KIDINS220: variants seen among roughly 807,000 people sequenced by gnomAD.
KIDINS220 encodes kinase D-interacting substrate of 220 kDa.
KIDINS220 carries 63 observed loss-of-function variants against 157.6 expected under a neutral mutation model. That is an observed-to-expected ratio of 0.40 (90% CI 0.33 to 0.49). KIDINS220 has a LOEUF of 0.49. Among genes scored for constraint, KIDINS220 ranks in the 20% least tolerant of loss-of-function variants. The pLI is 0.66. For missense variants in KIDINS220, 1,772 were observed against 2,171.2 expected (o/e 0.82, Z 3.65); for synonymous variants, 732 against 783.6 (o/e 0.93, Z 1.10).
At chr2:8,740,068 T>C (rs996236858) in intron 26 of KIDINS220, 6 of 509,778 alleles carry the variant, frequency 1.2e-5, no homozygotes, top group Non-Finnish European at 1.5e-5. Context: ...AGCACAGATT[T>C]ATAGACAGCC....
chr2:8,779,485 T>C (rs1425355983), intron 18 of KIDINS220, among the ~76,000 whole-genome samples, 189 bp downstream of exon 18: 1 of 152,272 alleles, frequency 6.6e-6, no homozygotes, highest in East Asian at 1.9e-4. Context: ...TAAATATCTT[T>C]GTGACTAAAC....
intron 1 of KIDINS220, among the ~76,000 whole-genome samples, chr2:8,828,189 A>T (rs1679095204): frequency 6.6e-6 from 1 of 152,168 alleles, no homozygotes; most frequent in Admixed American, 6.5e-5. Context: ...GCATGGCCAC[A>T]CTGAGCACCG....
chr2:8,751,705 C>A, intron 22 of KIDINS220, 61 bp from the exon 23 acceptor site: 1 of 1,170,506 alleles, frequency 8.5e-7, no homozygotes, highest in Non-Finnish European at 1.2e-6. Flanking sequence ...GTAAATTCTG[C>A]ATGTCACCTG....
At chr2:8,793,101 T>G (rs934300080) in intron 12 of KIDINS220, among the ~76,000 whole-genome samples, 4 of 151,900 alleles carry the variant, frequency 2.6e-5, no homozygotes, top group Admixed American at 6.6e-5. Context: ...ATATAGGGGG[T>G]AATGGGGAAT....
At chr2:8,751,849 T>C (rs1047326566) in intron 22 of KIDINS220, among the ~76,000 whole-genome samples, 5 of 151,332 alleles carry the variant, frequency 3.3e-5, no homozygotes, top group African/African-American at 1.2e-4. Flanking sequence ...AGGTTACAGG[T>C]GTGCACTACC....
At position 8,730,158 on chromosome 2, in the gene KIDINS220, T is replaced by G. The variant is rs993393057; in HGVS notation, c.*562A>C. ...TGGCAATTTTTAAAGCCCTCTTCAT[T>G]ATGTACTTCCTACTCTTCAGAACCT... On this transcript the variant is annotated 3_prime_UTR_variant, in exon 30 of 30. Coordinates refer to ENST00000256707, the MANE Select transcript of KIDINS220 (RefSeq NM_020738.4). 1 of 985,750 alleles carries G rather than the reference T, an allele frequency of 1.0e-6. No individual in the cohort carries two copies. The highest frequency in any genetic ancestry group is 1.7e-5 in the African/African-American group (1 of 57,218). The allele number at this position is 985,750 out of a possible 1,614,324, so 61.1% of individuals were successfully genotyped here. A position where few individuals can be genotyped will look rare whatever the true frequency, so the allele number is the denominator to read the frequency against.
downstream of KIDINS220, chr2:8,727,394 C>T (rs1663432866): frequency 6.0e-6 from 2 of 333,158 alleles, no homozygotes; most frequent in South Asian, 1.1e-4. Flanking sequence ...TGAAGGGGCA[C>T]GGTGCCTTCT....
chr2:8,786,093 T>G (rs948821090), intron 16 of KIDINS220, 63 bp from the exon 17 acceptor site: 17 of 1,555,312 alleles, frequency 1.1e-5, no homozygotes, highest in Non-Finnish European at 1.4e-5. Flanking sequence ...CCTAACATTA[T>G]AGTCACAATA....
downstream of KIDINS220, chr2:8,726,970 G>T: frequency 6.4e-6 from 8 of 1,257,756 alleles, no homozygotes; most frequent in South Asian, 1.2e-5. Context: ...TTAAAATTAT[G>T]TAAGATTGTA....
At chr2:8,790,316 A>C (rs893086026) in intron 13 of KIDINS220, among the ~76,000 whole-genome samples, 2 of 152,120 alleles carry the variant, frequency 1.3e-5, no homozygotes, top group Non-Finnish European at 2.9e-5. Flanking sequence ...ACCCCTTCTC[A>C]TATACTCCCA....
At chr2:8,759,591 A>G (rs747809143) in intron 22 of KIDINS220, among the ~76,000 whole-genome samples, 3 of 149,274 alleles carry the variant, frequency 2.0e-5, no homozygotes, top group Non-Finnish European at 4.4e-5. Context: ...GGATGAAAAA[A>G]CAATCAACAA....
intron 20 of KIDINS220, 75 bp from the exon 21 acceptor site, chr2:8,776,967 T>C (rs1175980697): frequency 8.2e-6 from 12 of 1,455,264 alleles, no homozygotes. Context: ...GAGATGTTAA[T>C]AAATGTTTAT....
At chr2:8,818,244 C>G (rs1242499028) in intron 3 of KIDINS220, among the ~76,000 whole-genome samples, 1 of 152,088 alleles carries the variant, frequency 6.6e-6, no homozygotes, top group African/African-American at 2.4e-5. Context: ...GTGTGACCCT[C>G]AAAAGCAATT....
chr2:8,741,569 GA>G (rs1248046843), intron 26 of KIDINS220, among the ~76,000 whole-genome samples: 4 of 152,114 alleles, frequency 2.6e-5, no homozygotes, highest in Non-Finnish European at 5.9e-5. Context: ...GACAGAGCGA[GA>G]CTCTGTCTCA....
chr2:8,731,654 G>A lies in KIDINS220; in HGVS notation c.4382C>T (p.Ser1461Leu), dbSNP rs766177639. The A allele has an allele frequency of 4.2e-5, 67 of 1,614,054 alleles. 1 individual carries two copies. The South Asian group carries it at 6.9e-4, about 17-fold the overall frequency. Residue 1461 changes from serine to leucine, a missense_variant, in exon 30 of 30, where the codon TCA becomes TTA. Ser to Leu is a moderately radical substitution (Grantham distance 145). This residue lies in a region of KIDINS220 where 793 missense variants were observed against 885.5 expected (regional missense o/e 0.90). Transcript: ENST00000256707. The surrounding 1 kb of genome is among the most constrained non-coding windows in gnomAD (Gnocchi z 5.2). Reference sequence around the variant, plus strand: ...ATCGTTGGTGGAAACCCCTGATGATGAATAATCGATAACATCTCCCCTCTT... The same window carrying A: ...ATCGTTGGTGGAAACCCCTGATGATAAATAATCGATAACATCTCCCCTCTT... ...LMKRGDVIDY[S>L]SSGVSTNDAS... is the part of the protein sequence containing the mutation.
At chr2:8,727,675 G>A (rs1248550090), downstream of KIDINS220, among the ~76,000 whole-genome samples, 2 of 152,150 alleles carry the variant, frequency 1.3e-5, no homozygotes, top group African/African-American at 2.4e-5. Context: ...AAAAGGTCTC[G>A]AGAGTAGCAT....
Position 8,733,501 on chromosome 2 carries a change from C to T in KIDINS220, c.3996G>A (p.Glu1332=). 6.2e-7 allele frequency: 1 copy of T among 1,614,166 alleles called. No homozygotes were observed. Among genetic ancestry groups the T allele is most frequent in the East Asian group, 2.2e-5 (1 of 44,886 alleles). The change falls in exon 29 of 30, where the codon GAG becomes GAA. Residue 1332 remains glutamate, a synonymous_variant. Coordinates refer to ENST00000256707, the MANE Select transcript of KIDINS220 (RefSeq NM_020738.4). The part of the protein sequence containing the change: ...TPYTLNFSFE[E]LNTLGLDEGA... The stretch of plus-strand genomic sequence containing the variant: ...CTTCATCCAGGCCAAGCGTGTTCAG[C>T]TCTTCGAAGCTGAAGTTGAGTGTGT...
At chr2:8,822,891 T>C (rs1297605653) in intron 2 of KIDINS220, among the ~76,000 whole-genome samples, 2 of 152,196 alleles carry the variant, frequency 1.3e-5, no homozygotes, top group Non-Finnish European at 2.9e-5. Context: ...AATAAAGCAA[T>C]AAAAGGAAAC....
intron 1 of KIDINS220, among the ~76,000 whole-genome samples, chr2:8,836,297 G>C (rs1680383000): frequency 6.6e-6 from 1 of 152,154 alleles, no homozygotes; most frequent in South Asian, 2.1e-4. Context: ...ATGGGGCTTT[G>C]GCCAGGCTGA....
Sources: allele counts gnomAD v4.1 joint callset (sites outside exome capture counted in the v4.1 genomes callset), GRCh38; gene constraint gnomAD v4.1.1; regional missense constraint gnomAD v4.1.1; non-coding constraint Gnocchi (gnomAD v3.1); transcripts MANE v1.5; gene names NCBI Gene and HGNC (gene_info 2026-07-23, HGNC 2026-07-21).